Variants in PRKG1 observed in about 807,000 individuals in gnomAD.
PRKG1 encodes the protein cGMP-dependent protein kinase 1.
Under a neutral mutation model 88.1 loss-of-function variants are expected in PRKG1, and 35 were observed. The ratio of observed to expected loss-of-function variants is 0.40; its 90% confidence interval spans 0.30 to 0.53. PRKG1 has a LOEUF of 0.53. Among genes scored for constraint, PRKG1 ranks in the 20% least tolerant of loss-of-function variants. PRKG1 has a pLI of 0.59. For missense variants in PRKG1, 540 were observed against 839.8 expected, an observed-to-expected ratio of 0.64 and a Z score of 4.41; for synonymous variants, 303 against 292.5, an observed-to-expected ratio of 1.04 and a Z score of -0.37.
intron 3 of PRKG1, among the ~76,000 whole-genome samples, chr10:51,608,277 T>C (rs1473032975): frequency 6.6e-6 from 1 of 152,190 alleles, no homozygotes; most frequent in Non-Finnish European, 1.5e-5. Context: ...ATTGTAAGGC[T>C]GCTGAATGAG....
intron 4 of PRKG1, among the ~76,000 whole-genome samples, chr10:51,843,116 T>TTTTTTTTTA (rs1840319813): frequency 4.8e-5 from 7 of 146,156 alleles, no homozygotes; most frequent in Admixed American, 6.8e-5. Flanking sequence ...TTTTTTTTTT[T>TTTTTTTTTA]GAGACGGAGT....
chr10:51,809,687 A>G (rs1839401563), intron 4 of PRKG1, among the ~76,000 whole-genome samples: 1 of 152,106 alleles, frequency 6.6e-6, no homozygotes, highest in Admixed American at 6.6e-5. Context: ...GGCTTTTTGG[A>G]ATTTAAGCTA....
In PRKG1 at chr10:52,250,310, G is replaced by A. The variant is rs138207388; in HGVS notation, c.1077-1260G>A. On this transcript the variant is annotated intron_variant, in intron 9 of 17. Transcript: ENST00000373980. ...AATGGAAAACAATGTTGTTTTTACC[G>A]TCTGAGAAGCCTGTCAACAATTGAC... Among the ~76,000 whole-genome samples the A allele has an allele frequency of 1.6e-3, 250 of 152,238 alleles. 1 individual carries two copies. Among genetic ancestry groups the A allele is most frequent in the African/African-American group, 5.8e-3 (243 of 41,544 alleles).
intron 4 of PRKG1, among the ~76,000 whole-genome samples, chr10:51,807,833 A>G (rs1290341913): frequency 1.3e-5 from 2 of 152,144 alleles, no homozygotes; most frequent in East Asian, 3.9e-4. Flanking sequence ...TGTCTCTATG[A>G]CTTGCTTTGG....
At chr10:51,815,101 G>A (rs776128279) in intron 4 of PRKG1, among the ~76,000 whole-genome samples, 4 of 152,142 alleles carry the variant, frequency 2.6e-5, no homozygotes, top group African/African-American at 4.8e-5. Flanking sequence ...AGGACTGTAG[G>A]CAACTTTTCC....
intron 1 of PRKG1, among the ~76,000 whole-genome samples, chr10:51,088,617 G>A (rs1046580225): frequency 2.6e-5 from 4 of 151,798 alleles, no homozygotes; most frequent in Non-Finnish European, 5.9e-5. Context: ...TCAGTGTTTG[G>A]GTTTGTGGTG....
chr10:51,378,134 G>A (rs1317343949), intron 2 of PRKG1, among the ~76,000 whole-genome samples: 1 of 152,222 alleles, frequency 6.6e-6, no homozygotes, highest in Non-Finnish European at 1.5e-5. Flanking sequence ...TCTGCAAGAA[G>A]TATGAATTGA....
At chr10:52,176,650 T>C (rs987834839) in intron 9 of PRKG1, among the ~76,000 whole-genome samples, 1 of 152,116 alleles carries the variant, frequency 6.6e-6, no homozygotes, top group African/African-American at 2.4e-5. Context: ...GATCCATGAG[T>C]ATAAGATGTC....
At chr10:52,234,253 A>G (rs1356224311) in intron 9 of PRKG1, among the ~76,000 whole-genome samples, 1 of 152,252 alleles carries the variant, frequency 6.6e-6, no homozygotes, top group East Asian at 1.9e-4. Context: ...TAAAACGCAG[A>G]GTGTCTCTCC....
At chr10:51,911,623 A>C (rs1842218749) in intron 5 of PRKG1, among the ~76,000 whole-genome samples, 2 of 152,230 alleles carry the variant, frequency 1.3e-5, no homozygotes, top group South Asian at 4.1e-4. Flanking sequence ...GTAAACACAC[A>C]AAATGCAAAG....
intron 5 of PRKG1, among the ~76,000 whole-genome samples, chr10:51,980,611 G>A (rs1413742163): frequency 6.6e-6 from 1 of 152,110 alleles, no homozygotes; most frequent in African/African-American, 2.4e-5. Context: ...TTGTGTTGGA[G>A]TCTAAGTCTC....
chr10:51,389,185 G>T (rs1837331658), intron 2 of PRKG1, among the ~76,000 whole-genome samples: 1 of 152,134 alleles, frequency 6.6e-6, no homozygotes, highest in Non-Finnish European at 1.5e-5. Flanking sequence ...CTTTTTAAAA[G>T]ATATCTTGTT....
At chr10:51,439,459 G>A (rs1229010096) in intron 2 of PRKG1, among the ~76,000 whole-genome samples, 1 of 151,600 alleles carries the variant, frequency 6.6e-6, no homozygotes, top group Non-Finnish European at 1.5e-5. Flanking sequence ...CCCCTCTCTG[G>A]CATTCCTACT....
intron 3 of PRKG1, among the ~76,000 whole-genome samples, chr10:51,760,291 G>A (rs1837984480): frequency 6.6e-6 from 1 of 152,094 alleles, no homozygotes; most frequent in South Asian, 2.1e-4. Flanking sequence ...CTGTCAGTAA[G>A]CATGATAAAT....
At chr10:51,569,566 C>T (rs1361803956) in intron 3 of PRKG1, among the ~76,000 whole-genome samples, 1 of 151,906 alleles carries the variant, frequency 6.6e-6, no homozygotes, top group Admixed American at 6.6e-5. Context: ...CTTCTTTAAT[C>T]TAAATTACCA....
At chr10:51,137,087 G>A (rs144838547) in intron 1 of PRKG1, among the ~76,000 whole-genome samples, 2,704 of 151,982 alleles carry the variant, frequency 0.018, 37 homozygotes, top group Middle Eastern at 0.031. Context: ...GGGTTTCACC[G>A]TGTTAACCAG....
At chr10:51,073,477 AC>A (rs541993716), upstream of PRKG1, among the ~76,000 whole-genome samples, 221 of 151,846 alleles carry the variant, frequency 1.5e-3, 1 homozygote, top group African/African-American at 5.2e-3. Context: ...ATGATTTTTA[AC>A]CCCCACCCTC....
chr10:51,819,147 G>A (rs1463155006), intron 4 of PRKG1, among the ~76,000 whole-genome samples: 1 of 151,876 alleles, frequency 6.6e-6, no homozygotes, highest in Non-Finnish European at 1.5e-5. Context: ...TCTGAGGAGG[G>A]CTTCAGGATG....
At chr10:51,985,275 A>T (rs1844124212) in intron 5 of PRKG1, among the ~76,000 whole-genome samples, 1 of 152,160 alleles carries the variant, frequency 6.6e-6, no homozygotes, top group African/African-American at 2.4e-5. Context: ...AAAATAATTC[A>T]AGCTTGTTTC....
Sources: allele counts gnomAD v4.1 joint callset (sites outside exome capture counted in the v4.1 genomes callset), GRCh38; gene constraint gnomAD v4.1.1; transcripts MANE v1.5; gene names NCBI Gene and HGNC (gene_info 2026-07-23, HGNC 2026-07-21).